The following ZNF83 variants were observed in gnomAD, a reference collection of about 807,000 sequenced individuals.
ZNF83 encodes zinc finger protein 83.
For synonymous variants in ZNF83, 209 were observed against 213.0 expected, an observed-to-expected ratio of 0.98 and a Z score of 0.17; for missense variants, 552 against 629.9, an observed-to-expected ratio of 0.88 and a Z score of 1.32.
rs2061105852 is a variant in ZNF83, at chr19:52,635,172, T to A, written c.-321-19A>T. 8.1e-6 allele frequency: 5 copies of A among 618,336 alleles called. No individual in the cohort carries two copies. The East Asian group carries it at 1.3e-4, about 16-fold the overall frequency. 38.3% of individuals were successfully genotyped at this position (618,336 alleles called of 1,614,324 possible). On this transcript the variant is annotated intron_variant, in intron 1 of 2. Coordinates refer to ENST00000301096, the Ensembl canonical transcript of ZNF83. ...GTCAATCCTGAATGTTAAAAATATG[T>A]TGTTTATTGCTCAGAATCAATACAC...
At chr19:52,625,135 C>T (rs1473549420) in intron 2 of ZNF83, among the ~76,000 whole-genome samples, 1 of 152,130 alleles carries the variant, frequency 6.6e-6, no homozygotes, top group South Asian at 2.1e-4. Flanking sequence ...GCAGGCTATG[C>T]TATAGTATCT....
At chr19:52,623,071 G>A (rs972470834) in intron 2 of ZNF83, among the ~76,000 whole-genome samples, 1 of 152,164 alleles carries the variant, frequency 6.6e-6, no homozygotes, top group Non-Finnish European at 1.5e-5. Context: ...CTGCAGCCAG[G>A]GATTCCTCCC....
intron 2 of ZNF83, among the ~76,000 whole-genome samples, chr19:52,616,060 A>C (rs12978061): frequency 0.07 from 10,623 of 152,188 alleles, 445 homozygotes; most frequent in Non-Finnish European, 0.096. Context: ...CTGGTCTCGA[A>C]CTCCTGACCT....
At chr19:52,659,945 G>C (rs912033066) in intron 2 of ZNF83, among the ~76,000 whole-genome samples, 6 of 152,062 alleles carry the variant, frequency 3.9e-5, no homozygotes, top group South Asian at 2.1e-4. Context: ...GTAATCCCAC[G>C]ACCTTGGGAG....
intron 2 of ZNF83, among the ~76,000 whole-genome samples, chr19:52,659,945 G>A (rs912033066): frequency 5.3e-5 from 8 of 152,062 alleles, no homozygotes; most frequent in South Asian, 2.1e-4. Flanking sequence ...GTAATCCCAC[G>A]ACCTTGGGAG....
At chr19:52,690,484 T>C in exon 1 of ZNF83, 1 of 185,838 alleles carries the variant, frequency 5.4e-6, no homozygotes, top group Non-Finnish European at 1.2e-5. Flanking sequence ...CGCTTCCAGA[T>C]TTGCGAGAAT....
exon 3 of ZNF83, chr19:52,613,419 G>A (rs757722171): frequency 1.2e-6 from 2 of 1,613,698 alleles, no homozygotes; most frequent in Admixed American, 1.7e-5. Context: ...AATTTTGACT[G>A]AATGCTTTGT....
chr19:52,619,250 C>A lies in ZNF83; in HGVS notation c.-233-4453G>T, dbSNP rs112342365. ...TATACTTTTTGAAGAGGTCATAATA[C>A]CCTCTTGTTATAAATTTATTATGTT... On this transcript the variant is annotated intron_variant, in intron 2 of 2. Transcript: ENST00000301096. Among the ~76,000 whole-genome samples, 1,515 of 151,978 alleles carry A rather than the reference C, an allele frequency of 1.0e-2. 32 individuals are homozygous for A. Among genetic ancestry groups the A allele is most frequent in the African/African-American group, 0.033 (1,357 of 41,410 alleles).
At chr19:52,686,887 A>C (rs376201704) in intron 1 of ZNF83, among the ~76,000 whole-genome samples, 3 of 152,098 alleles carry the variant, frequency 2.0e-5, no homozygotes, top group African/African-American at 4.8e-5. Context: ...TGTCCATTTT[A>C]GAAAGTACTA....
intron 1 of ZNF83, among the ~76,000 whole-genome samples, chr19:52,681,333 G>C (rs984745610): frequency 7.1e-6 from 1 of 139,970 alleles, no homozygotes; most frequent in Non-Finnish European, 1.5e-5. Flanking sequence ...TCTACAGATA[G>C]TATGTTCAAC....
intron 1 of ZNF83, among the ~76,000 whole-genome samples, chr19:52,673,500 TCACA>T (rs3055356): frequency 3.4e-5 from 5 of 148,928 alleles, no homozygotes; most frequent in Non-Finnish European, 7.5e-5. Flanking sequence ...TGTAACTCCA[TCACA>T]CACACACACA....
intron 2 of ZNF83, among the ~76,000 whole-genome samples, chr19:52,626,119 A>C (rs1016299364): frequency 1.8e-4 from 27 of 152,270 alleles, no homozygotes; most frequent in South Asian, 6.2e-4. Flanking sequence ...ACAGACAAAA[A>C]AGAGTTATTC....
chr19:52,637,074 G>C (rs1275960886), intron 1 of ZNF83: 1 of 151,100 alleles, frequency 6.6e-6, no homozygotes, highest in East Asian at 1.9e-4. Flanking sequence ...TCCTCATTTT[G>C]TACCCCTCTC....
chr19:52,647,083 T>C (rs2061381369), intron 3 of ZNF83, among the ~76,000 whole-genome samples: 2 of 152,270 alleles, frequency 1.3e-5, no homozygotes, highest in South Asian at 4.1e-4. Flanking sequence ...TCTCCAGTCC[T>C]CTCATTTCCC....
chr19:52,666,618 CAAAA>C lies in ZNF83; in HGVS notation c.-282-5779_-282-5776del, dbSNP rs59937542. On this transcript the variant is annotated intron_variant, in intron 1 of 5. Transcript: ENST00000594682. ...TCATCAAGGAAGAACTATCCTAAGT[CAAAA>C]AAAAAAAAAAAAAAAAAAGGCAAAA... 6.4e-3 allele frequency among the ~76,000 whole-genome samples: 682 copies of C among 105,780 alleles called. 6 individuals are homozygous for C. The highest frequency in any genetic ancestry group is 0.019 in the African/African-American group (571 of 29,720). 69.4% of individuals were successfully genotyped at this position (105,780 alleles called of 152,430 possible).
intron 1 of ZNF83, among the ~76,000 whole-genome samples, chr19:52,684,090 C>T (rs373590948): frequency 1.3e-5 from 2 of 152,092 alleles, no homozygotes; most frequent in African/African-American, 4.8e-5. Flanking sequence ...AAAAATTGAG[C>T]TGGGTGCAGG....
At chr19:52,645,441 G>A (rs1600222717) in intron 3 of ZNF83, among the ~76,000 whole-genome samples, 2 of 152,136 alleles carry the variant, frequency 1.3e-5, no homozygotes, top group Non-Finnish European at 2.9e-5. Flanking sequence ...AAAATGATGT[G>A]AGCTGATTAT....
At chr19:52,619,758 A>T (rs550206471) in intron 2 of ZNF83, among the ~76,000 whole-genome samples, 9 of 152,296 alleles carry the variant, frequency 5.9e-5, no homozygotes, top group African/African-American at 2.2e-4. Context: ...TCAATGGCAC[A>T]TGCCTGTAAT....
intron 3 of ZNF83, among the ~76,000 whole-genome samples, chr19:52,645,809 C>CA (rs1177697634): frequency 1.3e-5 from 2 of 149,044 alleles, no homozygotes; most frequent in Admixed American, 1.3e-4. Context: ...TCTGCCCCCC[C>CA]CCAAAAAAAG....
Sources: gnomAD v4.1 joint callset for allele counts (sites outside exome capture counted in the v4.1 genomes callset) on GRCh38, gnomAD v4.1.1 for gene constraint, MANE v1.5 for transcripts, NCBI Gene and HGNC (gene_info 2026-07-23, HGNC 2026-07-21) for gene names.